The following ABTB2 variants were observed in gnomAD, a reference collection of about 807,000 sequenced individuals.
ABTB2 encodes ankyrin repeat and BTB/POZ domain-containing protein 2.
A neutral mutation model predicts 104.1 loss-of-function variants in ABTB2; 56 were observed. That is an observed-to-expected ratio of 0.54 (90% CI 0.43 to 0.67). ABTB2 has a LOEUF of 0.67. Among genes scored for constraint, ABTB2 ranks in the 30% least tolerant of loss-of-function variants. ABTB2 has a pLI of 0.00. For missense variants in ABTB2, 1,279 were observed against 1,407.7 expected (o/e 0.91, Z 1.46); for synonymous variants, 606 against 608.2 (o/e 1.00, Z 0.05).
chr11:34,240,721 T>A (rs1053918968), intron 1 of ABTB2, among the ~76,000 whole-genome samples: 16 of 152,138 alleles, frequency 1.1e-4, no homozygotes, highest in African/African-American at 3.6e-4. Flanking sequence ...GCCTCCTGAA[T>A]AGATGAGATT....
At chr11:34,330,276 T>G (rs1308429369) in intron 1 of ABTB2, among the ~76,000 whole-genome samples, 2 of 152,196 alleles carry the variant, frequency 1.3e-5, no homozygotes, top group Non-Finnish European at 2.9e-5. Context: ...TGGGTAGATC[T>G]AGGTTCAAAT....
At chr11:34,241,144 A>G (rs1207782658) in intron 1 of ABTB2, among the ~76,000 whole-genome samples, 1 of 152,180 alleles carries the variant, frequency 6.6e-6, no homozygotes, top group African/African-American at 2.4e-5. Flanking sequence ...CAGCTCTAGC[A>G]GTTCCTGTGT....
At chr11:34,176,279 C>CAAAAA (rs58009507) in intron 3 of ABTB2, among the ~76,000 whole-genome samples, 7 of 74,814 alleles carry the variant, frequency 9.4e-5, no homozygotes, top group African/African-American at 1.8e-4. Context: ...GACTCCGTCT[C>CAAAAA]AAAAAAAAAA....
At chr11:34,312,498 G>A (rs1278327608) in intron 1 of ABTB2, among the ~76,000 whole-genome samples, 1 of 152,176 alleles carries the variant, frequency 6.6e-6, no homozygotes, top group South Asian at 2.1e-4. Context: ...ACAGGGATAC[G>A]CAGCTTCGGA....
At chr11:34,322,003 G>C (rs1372527560) in intron 1 of ABTB2, among the ~76,000 whole-genome samples, 2 of 152,128 alleles carry the variant, frequency 1.3e-5, no homozygotes, top group East Asian at 3.9e-4. Flanking sequence ...CCACAGTTTT[G>C]TTAGCAACAA....
At chr11:34,254,774 C>G (rs139548652) in intron 1 of ABTB2, among the ~76,000 whole-genome samples, 1 of 148,966 alleles carries the variant, frequency 6.7e-6, no homozygotes, top group Non-Finnish European at 1.5e-5. Context: ...CAGGTTCAAG[C>G]GATTCTCCTG....
chr11:34,226,061 C>A (rs1306477211), intron 1 of ABTB2, among the ~76,000 whole-genome samples: 8 of 151,494 alleles, frequency 5.3e-5, no homozygotes, highest in Non-Finnish European at 1.2e-4. Context: ...AAAAATTAGC[C>A]GAGTGTTGCG....
intron 1 of ABTB2, among the ~76,000 whole-genome samples, chr11:34,212,805 G>A (rs1345964476): frequency 6.6e-6 from 1 of 152,202 alleles, no homozygotes; most frequent in Non-Finnish European, 1.5e-5. Context: ...GAACAGCACT[G>A]GCAAAAGGTG....
At chr11:34,228,512 GTAGCTGGAA>G (rs988057757) in intron 1 of ABTB2, among the ~76,000 whole-genome samples, 41 of 152,134 alleles carry the variant, frequency 2.7e-4, no homozygotes, top group African/African-American at 8.9e-4. Context: ...AGCCTCCAGA[GTAGCTGGAA>G]TTACAGGCGC....
chr11:34,198,434 AAAC>A (rs1487656829), intron 2 of ABTB2, among the ~76,000 whole-genome samples: 92 of 134,046 alleles, frequency 6.9e-4, no homozygotes, highest in African/African-American at 2.7e-3. Context: ...TGTCTCAAAA[AAAC>A]AAACAAACAA....
chr11:34,305,763 C>T (rs1259462863), intron 1 of ABTB2, among the ~76,000 whole-genome samples: 1 of 152,176 alleles, frequency 6.6e-6, no homozygotes, highest in Admixed American at 6.5e-5. Context: ...CTCATATACC[C>T]TTTACCTAGA....
intron 1 of ABTB2, among the ~76,000 whole-genome samples, chr11:34,344,042 G>A (rs1208786693): frequency 2.6e-5 from 4 of 151,964 alleles, no homozygotes; most frequent in Non-Finnish European, 5.9e-5. Context: ...CAAACCATTC[G>A]GACACCACTC....
intron 3 of ABTB2, among the ~76,000 whole-genome samples, chr11:34,176,941 A>C (rs1852967023): frequency 6.6e-6 from 1 of 152,194 alleles, no homozygotes; most frequent in Non-Finnish European, 1.5e-5. Flanking sequence ...ATTCCCCCCA[A>C]ATATTTTTAG....
chr11:34,160,461 C>T (rs189241092), intron 11 of ABTB2, 108 bp from the exon 12 acceptor site: 22 of 757,644 alleles, frequency 2.9e-5, no homozygotes, highest in African/African-American at 1.0e-4. Flanking sequence ...GTAGTGCAGC[C>T]GCTATCTTTT....
At chr11:34,293,764 G>T (rs928832724) in intron 1 of ABTB2, among the ~76,000 whole-genome samples, 1 of 151,882 alleles carries the variant, frequency 6.6e-6, no homozygotes, top group African/African-American at 2.4e-5. Context: ...TTCCTCTGTC[G>T]CCCAGGCTGG....
intron 1 of ABTB2, among the ~76,000 whole-genome samples, chr11:34,244,868 C>T (rs1340501959): frequency 6.6e-6 from 1 of 152,066 alleles, no homozygotes; most frequent in African/African-American, 2.4e-5. Flanking sequence ...ATTAGCCAGG[C>T]TTGGTAGTGT....
chr11:34,271,470 G>A (rs1854313036), intron 1 of ABTB2, among the ~76,000 whole-genome samples: 1 of 152,210 alleles, frequency 6.6e-6, no homozygotes, highest in East Asian at 1.9e-4. Context: ...CAGGAGTGGT[G>A]GCTCATGCCT....
intron 14 of ABTB2, among the ~76,000 whole-genome samples, chr11:34,155,069 T>A (rs145480367): frequency 2.0e-5 from 3 of 152,318 alleles, no homozygotes; most frequent in Non-Finnish European, 4.4e-5. Context: ...TATTCACAGC[T>A]GGGGAAACTG....
intron 3 of ABTB2, among the ~76,000 whole-genome samples, chr11:34,185,554 AT>A (rs201091561): frequency 0.072 from 8,293 of 115,950 alleles, 266 homozygotes; most frequent in Non-Finnish European, 0.094. Context: ...ATTAGTCTGC[AT>A]TTTTACAAAT....
Sources: allele counts gnomAD v4.1 joint callset (sites outside exome capture counted in the v4.1 genomes callset), GRCh38; gene constraint gnomAD v4.1.1; transcripts MANE v1.5; gene names NCBI Gene and HGNC (gene_info 2026-07-23, HGNC 2026-07-21).